Variants in TBC1D5 observed in about 807,000 individuals in gnomAD.
TBC1D5 encodes TBC1 domain family member 5.
In TBC1D5, 75 loss-of-function variants were observed where a neutral mutation model predicts 100.3. The ratio of observed to expected loss-of-function variants is 0.75; its 90% CI spans 0.62 to 0.91. The LOEUF (loss-of-function observed/expected upper bound fraction) is 0.91, where lower values mean the gene tolerates loss of function less well. Among genes scored for constraint, TBC1D5 ranks in the 40% least tolerant of loss-of-function variants. The pLI, the probability that TBC1D5 is intolerant of heterozygous loss-of-function variation, is 0.00. For missense variants in TBC1D5, 910 were observed against 942.4 expected (o/e 0.97, Z 0.45); for synonymous variants, 323 against 325.6 (o/e 0.99, Z 0.09).
chr3:17,258,694 G>A lies in TBC1D5; in HGVS notation c.1246-103C>T, dbSNP rs1030487188. ...TTAATATCCCTTCAGAAAAGAATAT[G>A]TATAATATAAAGTTTAATAATTAGT... is the stretch of plus-strand genomic sequence containing the variant. On this transcript the variant is annotated intron_variant, in intron 15 of 21. Transcript: ENST00000253692. The A allele has an allele frequency of 3.2e-5, 26 of 825,390 alleles. No individual in the cohort carries two copies. The Admixed American group carries it at 5.8e-4, about 19-fold the overall frequency. The allele number at this position is 825,390 out of a possible 1,614,324, so 51.1% of individuals were successfully genotyped here.
At chr3:17,275,123 TCTTCAG>T (rs1392114017) in intron 15 of TBC1D5, among the ~76,000 whole-genome samples, 2 of 152,260 alleles carry the variant, frequency 1.3e-5, no homozygotes, top group East Asian at 3.9e-4. Context: ...CCAATTTGCC[TCTTCAG>T]AAACCAATTT....
In TBC1D5 at chr3:17,214,519, C is replaced by A. The variant is rs572630406; in HGVS notation, c.1589-149G>T. 66 of 776,962 alleles carry A rather than the reference C, an allele frequency of 8.5e-5. No individual in the cohort carries two copies. The African/African-American group carries it at 1.2e-3, about 14-fold the overall frequency. The allele number at this position is 776,962 out of a possible 1,614,324, so 48.1% of individuals were successfully genotyped here. ...ACACTATGGAGTATTAAAATGCATG[C>A]ATTTTTATGTATCAGAATAGCCACT... On this transcript the variant is annotated intron_variant, in intron 17 of 21. Coordinates refer to ENST00000253692, the Ensembl canonical transcript of TBC1D5.
chr3:17,307,255 A>C (rs1438487609), intron 14 of TBC1D5, among the ~76,000 whole-genome samples: 1 of 152,184 alleles, frequency 6.6e-6, no homozygotes, highest in African/African-American at 2.4e-5. Context: ...TAATTCAATC[A>C]CATAATTTTG....
At chr3:17,345,586 C>T (rs541051616) in intron 13 of TBC1D5, among the ~76,000 whole-genome samples, 121 of 151,814 alleles carry the variant, frequency 8.0e-4, no homozygotes, top group African/African-American at 2.7e-3. Context: ...ACCCAAAGGA[C>T]TATAAATCAT....
chr3:17,721,733 C>A (rs562303580), intron 1 of TBC1D5, among the ~76,000 whole-genome samples: 1 of 151,114 alleles, frequency 6.6e-6, no homozygotes, highest in Non-Finnish European at 1.5e-5. Flanking sequence ...GTAATCCTAG[C>A]ACTTTGGGAA....
At position 17,214,343 on chromosome 3, in the gene TBC1D5, G is replaced by T. The variant is rs964464375; in HGVS notation, c.1616C>A (p.Ser539Tyr). The T allele has an allele frequency of 1.9e-6, 3 of 1,612,830 alleles. No individual in the cohort carries two copies. The African/African-American group carries it at 4.0e-5, about 22-fold the overall frequency. Residue 539 changes from serine (S) to tyrosine (Y), a missense_variant, in exon 18 of 22, where the codon TCT (serine) becomes TAT (tyrosine). Transcript: ENST00000253692. ...TCCAGGCAAACTCTCAACGCTTGGA[G>T]ATGAACTGATGTTTTTAGAACTTAG... is the stretch of plus-strand genomic sequence containing the variant.
intron 18 of TBC1D5, among the ~76,000 whole-genome samples, chr3:17,200,931 A>C (rs929337146): frequency 1.3e-5 from 2 of 152,236 alleles, no homozygotes; most frequent in African/African-American, 2.4e-5. Context: ...CATGTGTATT[A>C]AGAGGATTAA....
chr3:17,689,468 G>C (rs2070772998), intron 1 of TBC1D5, among the ~76,000 whole-genome samples: 1 of 150,952 alleles, frequency 6.6e-6, no homozygotes, highest in East Asian at 1.9e-4. Context: ...GAGTTGGGAA[G>C]GTCAAGGCTG....
chr3:17,499,293 A>T lies in TBC1D5; in HGVS notation c.97+9181T>A, dbSNP rs565501254. ...TATTCATTTCACTACCAAGCCATGA[A>T]GGAGAAATCTGTTTTAATGCATAAA... On this transcript the variant is annotated intron_variant, in intron 3 of 21. Coordinates refer to ENST00000253692, the Ensembl canonical transcript of TBC1D5. Among the ~76,000 whole-genome samples, 57 of 152,344 alleles carry T rather than the reference A, an allele frequency of 3.7e-4. 1 individual carries two copies. The highest frequency in any genetic ancestry group is 2.1e-3 in the Admixed American group (32 of 15,308).
Position 17,450,841 on chromosome 3 carries a change from C to T in TBC1D5, c.98-22322G>A, listed in dbSNP as rs560852690. On this transcript the variant is annotated intron_variant, in intron 3 of 21. Transcript: ENST00000253692. Reference sequence around the variant, plus strand: ...ATATTATCCAAAAGAACTTCCCCAACCTAGCAAGACAGGCCAACATTCAAA... The same window carrying T: ...ATATTATCCAAAAGAACTTCCCCAATCTAGCAAGACAGGCCAACATTCAAA... Among the ~76,000 whole-genome samples, 255 of 152,280 alleles carry T rather than the reference C, an allele frequency of 1.7e-3. 2 individuals carry two copies. Among genetic ancestry groups the T allele is most frequent in the African/African-American group, 5.9e-3 (246 of 41,554 alleles).
intron 1 of TBC1D5, among the ~76,000 whole-genome samples, chr3:17,692,853 G>A (rs2153832094): frequency 6.6e-6 from 1 of 152,330 alleles, no homozygotes; most frequent in South Asian, 2.1e-4. Context: ...ATATAGGCCA[G>A]GCACGGTAGT....
chr3:17,597,788 C>G (rs2060667079), intron 2 of TBC1D5, among the ~76,000 whole-genome samples: 1 of 152,038 alleles, frequency 6.6e-6, no homozygotes, highest in African/African-American at 2.4e-5. Flanking sequence ...AAATTAGATC[C>G]CACACTACCC....
At chr3:17,452,056 GTGTT>G (rs2094940699) in intron 3 of TBC1D5, among the ~76,000 whole-genome samples, 2 of 151,912 alleles carry the variant, frequency 1.3e-5, no homozygotes, top group African/African-American at 4.8e-5. Context: ...TTTTAATTGC[GTGTT>G]TGTTTACACA....
At chr3:17,739,670 G>C (rs992899518) in exon 1 of TBC1D5, 4 of 152,238 alleles carry the variant, frequency 2.6e-5, no homozygotes, top group African/African-American at 4.8e-5. Flanking sequence ...TACAAGCACT[G>C]AGGCGGATGA....
chr3:17,733,298 C>A (rs2076709868), intron 1 of TBC1D5, among the ~76,000 whole-genome samples: 1 of 152,168 alleles, frequency 6.6e-6, no homozygotes, highest in East Asian at 1.9e-4. Flanking sequence ...GCTTGGGGAA[C>A]TTTAAGTAGT....
intron 13 of TBC1D5, among the ~76,000 whole-genome samples, chr3:17,321,899 GAT>G (rs1436458354): frequency 6.6e-6 from 1 of 152,160 alleles, no homozygotes; most frequent in Non-Finnish European, 1.5e-5. Context: ...CAGAGAGTTG[GAT>G]ATATACCAAT....
intron 2 of TBC1D5, among the ~76,000 whole-genome samples, chr3:17,547,542 C>T (rs1263387955): frequency 2.0e-5 from 3 of 152,138 alleles, no homozygotes; most frequent in Non-Finnish European, 4.4e-5. Flanking sequence ...GCAGAATGTT[C>T]CCATTTCTTT....
At chr3:17,215,401 AT>A (rs1211468357) in intron 17 of TBC1D5, among the ~76,000 whole-genome samples, 2 of 152,098 alleles carry the variant, frequency 1.3e-5, no homozygotes, top group Admixed American at 6.6e-5. Flanking sequence ...TCAACTTCCA[AT>A]TTTTGGCCTA....
chr3:17,572,540 ACAGT>A (rs1179432698), intron 2 of TBC1D5, among the ~76,000 whole-genome samples: 5 of 152,006 alleles, frequency 3.3e-5, no homozygotes, highest in Admixed American at 2.6e-4. Flanking sequence ...TCTCCCTCTG[ACAGT>A]CAGCTCTTCA....
Sources: allele counts gnomAD v4.1 joint callset (sites outside exome capture counted in the v4.1 genomes callset), GRCh38; gene constraint gnomAD v4.1.1; transcripts MANE v1.5; gene names NCBI Gene and HGNC (gene_info 2026-07-23, HGNC 2026-07-21).